The following ZNF215 variants were observed in gnomAD, a reference collection of about 807,000 sequenced individuals.
ZNF215 encodes the protein zinc finger protein 215.
A neutral mutation model predicts 27.2 loss-of-function variants in ZNF215; 24 were observed. The ratio of observed to expected loss-of-function variants is 0.88; its 90% confidence interval spans 0.64 to 1.24. The LOEUF is 1.24. ZNF215 is among the 50% of genes most tolerant of loss of function. The pLI is 0.00. For synonymous variants in ZNF215, 210 were observed against 204.0 expected (o/e 1.03, Z -0.25); for missense variants, 675 against 605.7 (o/e 1.11, Z -1.20).
intron 3 of ZNF215, among the ~76,000 whole-genome samples, chr11:6,938,171 T>C (rs1024356092): frequency 1.8e-4 from 27 of 151,984 alleles, no homozygotes; most frequent in Non-Finnish European, 1.5e-5. Context: ...GTTTTTTAAA[T>C]GGACAAAGGA....
chr11:6,991,085 C>T (rs1851111499), downstream of ZNF215, among the ~76,000 whole-genome samples: 1 of 152,202 alleles, frequency 6.6e-6, no homozygotes, highest in Admixed American at 6.5e-5. Flanking sequence ...TTTCCAGCCT[C>T]ATCATGTGAG....
intron 5 of ZNF215, among the ~76,000 whole-genome samples, chr11:6,967,810 A>G (rs543549454): frequency 1.3e-5 from 2 of 152,156 alleles, no homozygotes; most frequent in South Asian, 2.1e-4. Context: ...CAATTTGTCT[A>G]TTTTGGCTTT....
chr11:6,954,517 C>T (rs965277395), intron 6 of ZNF215, among the ~76,000 whole-genome samples: 7 of 152,344 alleles, frequency 4.6e-5, no homozygotes, highest in East Asian at 1.9e-4. Context: ...CAGGGAGACT[C>T]CGTGGGTGTA....
At chr11:6,976,740 A>G (rs1350141275) in intron 5 of ZNF215, among the ~76,000 whole-genome samples, 1 of 152,070 alleles carries the variant, frequency 6.6e-6, no homozygotes, top group Non-Finnish European at 1.5e-5. Flanking sequence ...CTGAGTGATT[A>G]CAATTGACTT....
intron 6 of ZNF215, among the ~76,000 whole-genome samples, chr11:6,946,509 A>T (rs1849819556): frequency 6.6e-6 from 1 of 152,174 alleles, no homozygotes; most frequent in South Asian, 2.1e-4. Context: ...GATGATTCTA[A>T]GGGAACGCAT....
At chr11:6,942,222 A>T (rs1354437635) in intron 4 of ZNF215, among the ~76,000 whole-genome samples, 2 of 152,198 alleles carry the variant, frequency 1.3e-5, no homozygotes, top group African/African-American at 4.8e-5. Context: ...CAACTTATTC[A>T]TAAAGACTGG....
chr11:6,983,074 A>G (rs553816746), intron 5 of ZNF215, among the ~76,000 whole-genome samples: 24 of 151,860 alleles, frequency 1.6e-4, no homozygotes, highest in African/African-American at 5.6e-4. Context: ...GATAAAGGGG[A>G]TATCACCACC....
At position 6,975,625 on chromosome 11, in the gene ZNF215, C is replaced by T. The variant is rs144587884; in HGVS notation, c.806-8504C>T. ...CAAATAAGTGGGAACATGTGATGTT[C>T]GTCTTTCTGTCTTAGATCTCCGGTT... On this transcript the variant is annotated intron_variant, in intron 5 of 5. Coordinates refer to the ZNF215 transcript ENST00000529903. Among the ~76,000 whole-genome samples the T allele has an allele frequency of 2.5e-3, 378 of 152,056 alleles. 2 individuals are homozygous for T. The highest frequency in any genetic ancestry group is 7.9e-3 in the African/African-American group (329 of 41,520).
intron 5 of ZNF215, among the ~76,000 whole-genome samples, chr11:6,966,773 A>C (rs981013109): frequency 6.7e-6 from 1 of 150,178 alleles, no homozygotes; most frequent in Non-Finnish European, 1.5e-5. Context: ...CTTAAGGTAG[A>C]TGCTTATTTT....
intron 3 of ZNF215, among the ~76,000 whole-genome samples, chr11:6,941,068 G>A (rs770029838): frequency 6.6e-6 from 1 of 152,134 alleles, no homozygotes; most frequent in Non-Finnish European, 1.5e-5. Flanking sequence ...TTTATGTTTT[G>A]AAAGAAGCAA....
intron 3 of ZNF215, among the ~76,000 whole-genome samples, chr11:6,935,133 A>T (rs1849388614): frequency 6.6e-6 from 1 of 152,230 alleles, no homozygotes; most frequent in South Asian, 2.1e-4. Context: ...GTCTGAGATA[A>T]TAAATAACAG....
At position 6,956,579 on chromosome 11, in the gene ZNF215, T is replaced by A; in HGVS notation, c.*48T>A. ...CCTTCAGTCAGAATGCAGAACTCATTTAACATCATGAATTTATGCTGGATA... is the reference window on the plus strand; with the variant it reads ...CCTTCAGTCAGAATGCAGAACTCATATAACATCATGAATTTATGCTGGATA... On this transcript the variant is annotated 3_prime_UTR_variant, in exon 7 of 7. Coordinates refer to ENST00000278319, the MANE Select transcript of ZNF215 (RefSeq NM_013250.4). 1 of 1,498,448 alleles carries A rather than the reference T, an allele frequency of 6.7e-7. No individual in the cohort carries two copies. Among genetic ancestry groups the A allele is most frequent in the Non-Finnish European group, 8.8e-7 (1 of 1,131,642 alleles). The allele number at this position is 1,498,448 out of a possible 1,614,324, so 92.8% of individuals were successfully genotyped here.
At position 6,932,668 on chromosome 11, in the gene ZNF215, T is replaced by C. The variant is rs1849307700; in HGVS notation, c.396T>C (p.Asp132=). 1.2e-6 allele frequency: 2 copies of C among 1,605,726 alleles called. No homozygotes were observed. Among genetic ancestry groups the C allele is most frequent in the East Asian group, 4.5e-5 (2 of 44,786 alleles). The change falls in exon 3 of 7, where the codon GAT becomes GAC. Residue 132 remains aspartate, a synonymous_variant. Transcript: ENST00000278319. ...LIEDVIEMLE[D]EDMPCKDSAL... ...AAGATGTGATTGAAATGCTTGAAGA[T>C]GAAGGTAAGAATATAAAGAAATTAG...
chr11:6,957,534 T>A lies in ZNF215; in HGVS notation c.*1003T>A, dbSNP rs1267752394. Reference sequence around the variant, plus strand: ...TGTTTTTATTAATCCGTCTTAAATGTGTATATAGCTCAGATTTATTTTAAT... The same window carrying A: ...TGTTTTTATTAATCCGTCTTAAATGAGTATATAGCTCAGATTTATTTTAAT... On this transcript the variant is annotated 3_prime_UTR_variant, in exon 7 of 7. Coordinates refer to ENST00000278319, the MANE Select transcript of ZNF215 (RefSeq NM_013250.4). The A allele has an allele frequency of 6.3e-6, 1 of 159,448 alleles. No homozygotes were observed. The highest frequency in any genetic ancestry group is 6.5e-5 in the Admixed American group (1 of 15,280). 9.9% of individuals were successfully genotyped at this position (159,448 alleles called of 1,614,324 possible).
chr11:6,938,823 A>G (rs1039529378), intron 3 of ZNF215, among the ~76,000 whole-genome samples: 2 of 152,162 alleles, frequency 1.3e-5, no homozygotes, highest in African/African-American at 2.4e-5. Flanking sequence ...TGATCATTGT[A>G]CAACATTATG....
Position 6,932,321 on chromosome 11 carries a change from T to C in ZNF215, c.49T>C (p.Ser17Pro). ...GGCTATCTCAAAACCTCGAAACCTG[T>C]CTCTACGTGAACAAAGAGAGGTTCT... is the stretch of plus-strand genomic sequence containing the variant. ...LMAISKPRNLSLREQREVLRA... is the reference protein window; with the variant it reads ...LMAISKPRNLPLREQREVLRA... The change falls in exon 3 of 7, where the codon TCT becomes CCT. Residue 17 changes from serine to proline, a missense_variant. Coordinates refer to ENST00000278319, the MANE Select transcript of ZNF215 (RefSeq NM_013250.4). 6.2e-7 allele frequency: 1 copy of C among 1,614,102 alleles called. No homozygotes were observed. The highest frequency in any genetic ancestry group is 1.1e-5 in the South Asian group (1 of 91,086).
downstream of ZNF215, among the ~76,000 whole-genome samples, chr11:6,986,081 A>G (rs913453879): frequency 6.6e-6 from 1 of 152,092 alleles, no homozygotes; most frequent in Non-Finnish European, 1.5e-5. Context: ...AATCCTAAGT[A>G]AAAAAGAACA....
intron 4 of ZNF215, 133 bp downstream of exon 4, chr11:6,941,786 G>A: frequency 1.2e-6 from 1 of 840,788 alleles, no homozygotes; most frequent in Non-Finnish European, 1.9e-6. Context: ...TTTCCCACAG[G>A]ACACTGGACC....
At chr11:6,932,955 T>C (rs1849316088) in intron 3 of ZNF215, among the ~76,000 whole-genome samples, 1 of 152,248 alleles carries the variant, frequency 6.6e-6, no homozygotes, top group Non-Finnish European at 1.5e-5. Flanking sequence ...CAAATATTTT[T>C]TAAAATAAAG....
Sources: gnomAD v4.1 joint callset for allele counts (sites outside exome capture counted in the v4.1 genomes callset) on GRCh38, gnomAD v4.1.1 for gene constraint, MANE v1.5 for transcripts, NCBI Gene and HGNC (gene_info 2026-07-23, HGNC 2026-07-21) for gene names.